PCDH1: variants seen among roughly 807,000 people sequenced by gnomAD.
PCDH1 encodes the protein protocadherin-1.
Under a neutral mutation model 74.6 loss-of-function variants are expected in PCDH1, and 23 were observed. The ratio of observed to expected loss-of-function variants is 0.31; its 90% CI spans 0.22 to 0.44. The LOEUF is 0.44. Among genes scored for constraint, PCDH1 ranks in the 20% least tolerant of loss-of-function variants. The pLI is 1.00. For missense variants in PCDH1, 1,214 were observed against 1,641.4 expected (o/e 0.74, Z 4.50); for synonymous variants, 647 against 686.1 (o/e 0.94, Z 0.89).
At position 141,869,115 on chromosome 5, in the gene PCDH1, C is replaced by A; in HGVS notation, c.357G>T (p.Gly119=). 1 of 1,613,932 alleles carries A rather than the reference C, an allele frequency of 6.2e-7. No homozygotes were observed. Among genetic ancestry groups the A allele is most frequent in the Non-Finnish European group, 8.5e-7 (1 of 1,179,990 alleles). Residue 119 remains glycine (G), a synonymous_variant, in exon 2 of 5, where the codon GGG becomes GGT. Coordinates refer to ENST00000287008, the MANE Select transcript of PCDH1 (RefSeq NM_032420.5). This position sits in a 1 kb window ranked among gnomAD's most constrained non-coding sequence, Gnocchi z 4.9. Reference sequence around the variant, plus strand: ...GGAGCTGGTTCTGGCATTCACGGAGCCCCTCACGGTCGATGGAGGTCTCGG... The same window carrying A: ...GGAGCTGGTTCTGGCATTCACGGAGACCCTCACGGTCGATGGAGGTCTCGG... ...FTTETSIDRE[G]LRECQNQLPG...
intron 3 of PCDH1, 86 bp from the exon 4 acceptor site, chr5:141,857,557 C>A: frequency 8.8e-7 from 1 of 1,135,548 alleles, no homozygotes; most frequent in Non-Finnish European, 1.3e-6. Context: ...AAGCCAAGCA[C>A]CATCCTACTC....
chr5:141,875,894 AC>A (rs1383843059), intron 1 of PCDH1, among the ~76,000 whole-genome samples: 1 of 148,476 alleles, frequency 6.7e-6, no homozygotes, highest in Non-Finnish European at 1.5e-5. Context: ...CGCGCCCCCC[AC>A]CCCCTACAAA....
Position 141,865,015 on chromosome 5 carries a change from G to A in PCDH1, c.1316C>T (p.Pro439Leu). 1 of 1,614,082 alleles carries A rather than the reference G, an allele frequency of 6.2e-7. No homozygotes were observed. The highest frequency in any genetic ancestry group is 8.5e-7 in the Non-Finnish European group (1 of 1,180,018). ...AVTCVVAGDV[P>L]FQLRQASETG... ...CTCACTGGCCTGGCGCAGCTGGAAG[G>A]GCACATCACCTGCCACCACACAGGT... Residue 439 changes from proline to leucine, a missense_variant, in exon 3 of 5, where the codon CCC becomes CTC. Pro to Leu is a moderately conservative substitution (Grantham distance 98, BLOSUM62 -3). Around this residue, in one of 4 missense-constraint regions of PCDH1, gnomAD observed 836 missense variants for 1,182.2 expected, o/e 0.71. Coordinates refer to ENST00000287008, the MANE Select transcript of PCDH1 (RefSeq NM_032420.5). This position sits in a 1 kb window ranked among gnomAD's most constrained non-coding sequence, Gnocchi z 4.4.
Position 141,869,594 on chromosome 5 carries a change from C to T in PCDH1, c.41-163G>A, listed in dbSNP as rs1476930547. On this transcript the variant is annotated intron_variant, in intron 1 of 4. Transcript: ENST00000287008. This position sits in a 1 kb window ranked among gnomAD's most constrained non-coding sequence, Gnocchi z 4.9. The stretch of plus-strand genomic sequence containing the variant: ...ACCCCGATTCCAGAAACTCAGATCC[C>T]TGAATCTCATCCACAGCTGGGTGTA... The T allele has an allele frequency of 6.5e-7, 1 of 1,535,116 alleles. No individual in the cohort carries two copies. Among genetic ancestry groups the T allele is most frequent in the East Asian group, 2.4e-5 (1 of 40,918 alleles).
In PCDH1 at chr5:141,868,223, A is replaced by T. The variant is rs1470143536; in HGVS notation, c.903+346T>A. ...AGAGATTCTACCTGGATAAACGGTG[A>T]TTCCTTTGTTCCAACTCAGCTCACC... On this transcript the variant is annotated intron_variant, in intron 2 of 4. Transcript: ENST00000287008. The surrounding 1 kb of genome is among the most constrained non-coding windows in gnomAD (Gnocchi z 4.8). Among the ~76,000 whole-genome samples, 2 of 152,332 alleles carry T rather than the reference A, an allele frequency of 1.3e-5. No individual in the cohort carries two copies. The highest frequency in any genetic ancestry group is 3.9e-4 in the East Asian group (2 of 5,176).
At position 141,864,995 on chromosome 5, in the gene PCDH1, T is replaced by G. The variant is rs1261480104; in HGVS notation, c.1336A>C (p.Ser446Arg). ...TTCTTGCTGTCACTGCCTGTCTCACTGGCCTGGCGCAGCTGGAAGGGCACA... is the reference window on the plus strand; with the variant it reads ...TTCTTGCTGTCACTGCCTGTCTCACGGGCCTGGCGCAGCTGGAAGGGCACA... ...GDVPFQLRQA[S>R]ETGSDSKKKY... Residue 446 changes from serine to arginine, a missense_variant, in exon 3 of 5, where the codon AGT becomes CGT. Coordinates refer to ENST00000287008, the MANE Select transcript of PCDH1 (RefSeq NM_032420.5). This position sits in a 1 kb window ranked among gnomAD's most constrained non-coding sequence, Gnocchi z 5.9. 1 of 1,614,128 alleles carries G rather than the reference T, an allele frequency of 6.2e-7. No individual in the cohort carries two copies. Among genetic ancestry groups the G allele is most frequent in the South Asian group, 1.1e-5 (1 of 91,076 alleles).
chr5:141,853,958 G>A lies in PCDH1; in HGVS notation c.*84C>T. ...CCCTGGCCAGGAAGTCCACGCTGAAGGGGTGGAGAGTGAGGCCCTGGAATG... is the reference window on the plus strand; with the variant it reads ...CCCTGGCCAGGAAGTCCACGCTGAAAGGGTGGAGAGTGAGGCCCTGGAATG... On this transcript the variant is annotated 3_prime_UTR_variant, in exon 5 of 5. Coordinates refer to ENST00000287008, the MANE Select transcript of PCDH1 (RefSeq NM_032420.5). 8.1e-7 allele frequency: 1 copy of A among 1,238,676 alleles called. No individual in the cohort carries two copies. Among genetic ancestry groups the A allele is most frequent in the Non-Finnish European group, 1.1e-6 (1 of 916,376 alleles). The allele number at this position is 1,238,676 out of a possible 1,614,324, so 76.7% of individuals were successfully genotyped here.
chr5:141,868,997 G>A lies in PCDH1; in HGVS notation c.475C>T (p.Gln159Ter). Residue 159 changes from glutamine (Q) to a stop codon, truncating the protein, a stop_gained, in exon 2 of 5, where the codon CAA becomes TAA. Transcript: ENST00000287008. LOFTEE classifies it high-confidence loss of function. The surrounding 1 kb of genome is among the most constrained non-coding windows in gnomAD (Gnocchi z 4.8). ...TTGGGTGTGTTGTCATTGATGTCTT[G>A]TACTTCTATCTGGCCCTCTAGCAGC... ...PRLLEGQIEV[Q>*]DINDNTPNFA... is the part of the protein sequence containing the mutation. 1 of 1,614,174 alleles carries A rather than the reference G, an allele frequency of 6.2e-7. No homozygotes were observed. Among genetic ancestry groups the A allele is most frequent in the Non-Finnish European group, 8.5e-7 (1 of 1,180,032 alleles).
At chr5:141,870,716 C>T (rs1351548663) in intron 1 of PCDH1, among the ~76,000 whole-genome samples, 1 of 152,148 alleles carries the variant, frequency 6.6e-6, no homozygotes, top group East Asian at 1.9e-4. Context: ...GCTTTGAGGT[C>T]GTGCATTTGC....
chr5:141,870,639 T>C (rs911002207), intron 1 of PCDH1, among the ~76,000 whole-genome samples: 7 of 152,084 alleles, frequency 4.6e-5, no homozygotes, highest in African/African-American at 7.2e-5. Flanking sequence ...TCCCAACCTC[T>C]GCCCTAGTCA....
chr5:141,868,266 T>G lies in PCDH1; in HGVS notation c.903+303A>C, dbSNP rs942407435. 1.3e-5 allele frequency among the ~76,000 whole-genome samples: 2 copies of G among 152,212 alleles called. No homozygotes were observed. The highest frequency in any genetic ancestry group is 2.4e-5 in the African/African-American group (1 of 41,454). The stretch of plus-strand genomic sequence containing the variant: ...AGCTCACCTGGCTAGCAGAGAAGGA[T>G]CTACTTGACTAGGGCGGGAGTTTTA... On this transcript the variant is annotated intron_variant, in intron 2 of 4. Coordinates refer to ENST00000287008, the MANE Select transcript of PCDH1 (RefSeq NM_032420.5). This position sits in a 1 kb window ranked among gnomAD's most constrained non-coding sequence, Gnocchi z 4.8.
At chr5:141,867,722 G>A (rs1752910607) in intron 2 of PCDH1, 1 of 391,704 alleles carries the variant, frequency 2.6e-6, no homozygotes, top group South Asian at 1.9e-5. Flanking sequence ...GGCAGGCCGA[G>A]CCTCCTCAGC....
At position 141,877,531 on chromosome 5, in the gene PCDH1, C is replaced by T. The variant is rs562017769; in HGVS notation, c.40+692G>A. Among the ~76,000 whole-genome samples, 22 of 152,170 alleles carry T rather than the reference C, an allele frequency of 1.4e-4. 1 individual carries two copies. In the South Asian group the frequency reaches 4.0e-3, roughly 27 times the overall value. ...GCTGTGACACTCGTACATGAGGGCA[C>T]GAGATTGTGTTTGTGTGTCCACGTC... is the stretch of plus-strand genomic sequence containing the variant. On this transcript the variant is annotated intron_variant, in intron 1 of 4. Coordinates refer to ENST00000287008, the MANE Select transcript of PCDH1 (RefSeq NM_032420.5).
In PCDH1 at chr5:141,869,346, C is replaced by A; in HGVS notation, c.126G>T (p.Met42Ile). 1 of 1,597,686 alleles carries A rather than the reference C, an allele frequency of 6.3e-7. No homozygotes were observed. Among genetic ancestry groups the A allele is most frequent in the East Asian group, 2.3e-5 (1 of 44,406 alleles). ...CCAGCAGGAGCAGCAGTGCTAGCAG[C>A]ATGGAGGGCAGCAGTAGCCGTTGCC... Reference protein sequence around the residue: ...PGGQRLLLPSMLLALLLLLAP... With the variant: ...PGGQRLLLPSILLALLLLLAP... Residue 42 changes from methionine to isoleucine, a missense_variant, in exon 2 of 5, where the codon ATG becomes ATT. This residue lies in a region of PCDH1 where 87 missense variants were observed against 87.7 expected (regional missense o/e 0.99). Transcript: ENST00000287008. The surrounding 1 kb of genome is among the most constrained non-coding windows in gnomAD (Gnocchi z 4.9).
chr5:141,861,070 G>C (rs1401050015), intron 3 of PCDH1, among the ~76,000 whole-genome samples: 3 of 137,214 alleles, frequency 2.2e-5, no homozygotes, highest in African/African-American at 5.4e-5. Flanking sequence ...AGCTGAGATC[G>C]TGCCATTGCA....
chr5:141,872,074 A>AATCTCTTT (rs1561488921), intron 1 of PCDH1, among the ~76,000 whole-genome samples: 1 of 151,832 alleles, frequency 6.6e-6, no homozygotes, highest in Non-Finnish European at 1.5e-5. Flanking sequence ...TGTGAATGTT[A>AATCTCTTT]ATCTCTTTAA....
chr5:141,866,216 G>A (rs1006255288), intron 2 of PCDH1: 13 of 985,396 alleles, frequency 1.3e-5, no homozygotes, highest in Admixed American at 6.1e-5. Context: ...TTCTCCTCCC[G>A]ACTGGCACCG....
chr5:141,878,137 G>A lies in PCDH1; in HGVS notation c.40+86C>T. 3.9e-6 allele frequency: 5 copies of A among 1,274,718 alleles called. No individual in the cohort carries two copies. Among genetic ancestry groups the A allele is most frequent in the East Asian group, 3.3e-5 (1 of 30,738 alleles). The allele number at this position is 1,274,718 out of a possible 1,614,324, so 79.0% of individuals were successfully genotyped here. On this transcript the variant is annotated intron_variant, in intron 1 of 4. Transcript: ENST00000287008. The surrounding 1 kb of genome is among the most constrained non-coding windows in gnomAD (Gnocchi z 5.5). ...TGTTGGGCCCCCGCGGCCTCGCTCC[G>A]CCGAGCGCCCCTCCCTCAGCTCCCG...
chr5:141,856,118 TG>T, intron 4 of PCDH1: 2 of 1,075,876 alleles, frequency 1.9e-6, no homozygotes, highest in Non-Finnish European at 1.4e-6. Context: ...AGAGCAGAGT[TG>T]GGGGACGCAA....
Sources: allele counts gnomAD v4.1 joint callset (sites outside exome capture counted in the v4.1 genomes callset), GRCh38; gene constraint gnomAD v4.1.1; regional missense constraint gnomAD v4.1.1; non-coding constraint Gnocchi (gnomAD v3.1); transcripts MANE v1.5; gene names NCBI Gene and HGNC (gene_info 2026-07-23, HGNC 2026-07-21).